The following ACOX3 variants were observed in gnomAD, a reference collection of about 807,000 sequenced individuals.
ACOX3 encodes acyl-CoA oxidase 3, pristanoyl, also known as peroxisomal acyl-coenzyme A oxidase 3.
Under a neutral mutation model 81.5 loss-of-function variants are expected in ACOX3, and 73 were observed. The observed-to-expected ratio is 0.90, with a 90% CI of 0.74 to 1.09. The LOEUF is 1.09. ACOX3 is among the 50% of genes least tolerant of loss of function. The pLI is 0.00. For missense variants in ACOX3, 947 were observed against 928.0 expected, an observed-to-expected ratio of 1.02 and a Z score of -0.27; for synonymous variants, 387 against 375.1, an observed-to-expected ratio of 1.03 and a Z score of -0.37.
chr4:8,370,860 G>T lies in ACOX3; in HGVS notation c.1983+48C>A. ...AGGAGCATCTCAGCTCCGCAGAAAT[G>T]CCCATCAACCCTTGGGGCACTCCCG... On this transcript the variant is annotated intron_variant, in intron 17 of 17. Transcript: ENST00000356406. The surrounding 1 kb of genome is among the most constrained non-coding windows in gnomAD (Gnocchi z 6.3). 6.5e-7 allele frequency: 1 copy of T among 1,548,408 alleles called. No homozygotes were observed. Among genetic ancestry groups the T allele is most frequent in the Non-Finnish European group, 8.9e-7 (1 of 1,123,228 alleles).
At chr4:8,428,832 T>C (rs758222026) in intron 1 of ACOX3, among the ~76,000 whole-genome samples, 4 of 152,168 alleles carry the variant, frequency 2.6e-5, no homozygotes, top group Non-Finnish European at 4.4e-5. Flanking sequence ...CCCAGCGCTT[T>C]CGGAGGCCGA....
Position 8,414,247 on chromosome 4 carries a change from C to T in ACOX3, c.543+45G>A. 1.3e-6 allele frequency: 2 copies of T among 1,531,490 alleles called. No homozygotes were observed. Among genetic ancestry groups the T allele is most frequent in the Non-Finnish European group, 1.8e-6 (2 of 1,105,624 alleles). The allele number at this position is 1,531,490 out of a possible 1,614,324, so 94.9% of individuals were successfully genotyped here. On this transcript the variant is annotated intron_variant, in intron 5 of 17. Coordinates refer to ENST00000356406, the MANE Select transcript of ACOX3 (RefSeq NM_003501.3). This position sits in a 1 kb window ranked among gnomAD's most constrained non-coding sequence, Gnocchi z 6.1. The stretch of plus-strand genomic sequence containing the variant: ...GCAACGGCATTTGCACTCATGACGT[C>T]TCATATGCTCCAAACTCAGGGACCC...
In ACOX3 at chr4:8,399,010, G is replaced by A. The variant is rs1720037524; in HGVS notation, c.873+546C>T. ...CCCATCATGCTCCTTTTCCATCCGTGCTTCCTGATGTCAGATGCTGCATGC... is the reference window on the plus strand; with the variant it reads ...CCCATCATGCTCCTTTTCCATCCGTACTTCCTGATGTCAGATGCTGCATGC... On this transcript the variant is annotated intron_variant, in intron 8 of 17. Transcript: ENST00000356406. This position sits in a 1 kb window ranked among gnomAD's most constrained non-coding sequence, Gnocchi z 4.9. Among the ~76,000 whole-genome samples the A allele has an allele frequency of 6.6e-6, 1 of 152,178 alleles. No individual in the cohort carries two copies. Among genetic ancestry groups the A allele is most frequent in the African/African-American group, 2.4e-5 (1 of 41,438 alleles).
chr4:8,361,300 C>T (rs1560158822), downstream of ACOX3, among the ~76,000 whole-genome samples: 3 of 151,550 alleles, frequency 2.0e-5, no homozygotes, highest in Admixed American at 1.3e-4. Context: ...GTTGTGGGCG[C>T]CTGTAGTCCC....
rs540627202 is a variant in ACOX3, at chr4:8,396,119, T to C, written c.1056+818A>G. Among the ~76,000 whole-genome samples, 4 of 152,332 alleles carry C rather than the reference T, an allele frequency of 2.6e-5. No homozygotes were observed. The East Asian group carries it at 7.7e-4, about 29-fold the overall frequency. On this transcript the variant is annotated intron_variant, in intron 9 of 17. Coordinates refer to ENST00000356406, the MANE Select transcript of ACOX3 (RefSeq NM_003501.3). The stretch of plus-strand genomic sequence containing the variant: ...CTGCTGCCTGGGCTGCATCTGTGCA[T>C]GTCAACAGCTGCCCCATCTCTGGGG...
At chr4:8,361,151 C>T in the ACOX3 span, among the ~76,000 whole-genome samples, 33 of 152,042 alleles carry the variant, frequency 2.2e-4, no homozygotes, top group South Asian at 6.2e-4. Context: ...AGGCCGGGCG[C>T]GGTGGCTCAC....
chr4:8,373,535 A>T, intron 16 of ACOX3, 26 bp downstream of exon 16: 2 of 1,612,644 alleles, frequency 1.2e-6, no homozygotes, highest in Non-Finnish European at 1.7e-6. Flanking sequence ...ATGGATGTAG[A>T]GAACGCGACA....
At chr4:8,413,333 G>A (rs538832646) in intron 5 of ACOX3, among the ~76,000 whole-genome samples, 3 of 111,766 alleles carry the variant, frequency 2.7e-5, no homozygotes, top group Admixed American at 1.1e-4. Flanking sequence ...CCACAGCACC[G>A]ACAGCCCCAG....
intron 1 of ACOX3, among the ~76,000 whole-genome samples, chr4:8,434,059 A>G (rs1724092351): frequency 6.6e-6 from 1 of 152,182 alleles, no homozygotes; most frequent in African/African-American, 2.4e-5. Context: ...AATAATAATA[A>G]TAATAATAAT....
In ACOX3 at chr4:8,414,199, A is replaced by C; in HGVS notation, c.543+93T>G. 3.7e-6 allele frequency: 4 copies of C among 1,081,430 alleles called. No individual in the cohort carries two copies. Among genetic ancestry groups the C allele is most frequent in the East Asian group, 4.7e-5 (2 of 42,200 alleles). The allele number at this position is 1,081,430 out of a possible 1,614,324, so 67.0% of individuals were successfully genotyped here. ...GTATGTGGACAGGCCTCTTGCTTTA[A>C]TGTTTTTTTTTTCTTATTCTGGGCA... On this transcript the variant is annotated intron_variant, in intron 5 of 17. Coordinates refer to ENST00000356406, the MANE Select transcript of ACOX3 (RefSeq NM_003501.3). The surrounding 1 kb of genome is among the most constrained non-coding windows in gnomAD (Gnocchi z 6.1).
In ACOX3 at chr4:8,418,677, C is replaced by A. The variant is rs866715555; in HGVS notation, c.-14-2142G>T. ...GAGTTTGAGACCAGCCTGGCCAACACGGTGAAACCCCATCGCTACTGAAAA... is the reference window on the plus strand; with the variant it reads ...GAGTTTGAGACCAGCCTGGCCAACAAGGTGAAACCCCATCGCTACTGAAAA... On this transcript the variant is annotated intron_variant, in intron 1 of 17. Coordinates refer to ENST00000356406, the MANE Select transcript of ACOX3 (RefSeq NM_003501.3). Among the ~76,000 whole-genome samples, 13 of 151,332 alleles carry A rather than the reference C, an allele frequency of 8.6e-5. 1 individual carries two copies. Among genetic ancestry groups the A allele is most frequent in the Non-Finnish European group, 1.9e-4 (13 of 67,858 alleles).
chr4:8,358,920 C>T, the ACOX3 span, among the ~76,000 whole-genome samples: 1 of 152,126 alleles, frequency 6.6e-6, no homozygotes, highest in African/African-American at 2.4e-5. Context: ...TTTGCTTTCA[C>T]TTCATGAACT....
Position 8,366,598 on chromosome 4 carries a change from C to A in ACOX3, c.*363G>T. 1 of 173,704 alleles carries A rather than the reference C, an allele frequency of 5.8e-6. No individual in the cohort carries two copies. Among genetic ancestry groups the A allele is most frequent in the Non-Finnish European group, 1.2e-5 (1 of 81,228 alleles). 10.8% of individuals were successfully genotyped at this position (173,704 alleles called of 1,614,324 possible). A position where few individuals can be genotyped will look rare whatever the true frequency, so the allele number is the denominator to read the frequency against. On this transcript the variant is annotated 3_prime_UTR_variant, in exon 18 of 18. Coordinates refer to ENST00000356406, the MANE Select transcript of ACOX3 (RefSeq NM_003501.3). ...AGCTCGGTAAAAAATCTAGATGAATCACAGGTTGTCTGACCAGAAGATCCC... is the reference window on the plus strand; with the variant it reads ...AGCTCGGTAAAAAATCTAGATGAATAACAGGTTGTCTGACCAGAAGATCCC...
rs1050085096 is a variant in ACOX3, at chr4:8,423,637, G to A, written c.-14-7102C>T. 6.6e-6 allele frequency among the ~76,000 whole-genome samples: 1 copy of A among 152,118 alleles called. No individual in the cohort carries two copies. Among genetic ancestry groups the A allele is most frequent in the Non-Finnish European group, 1.5e-5 (1 of 68,016 alleles). On this transcript the variant is annotated intron_variant, in intron 1 of 17. Transcript: ENST00000356406. The surrounding 1 kb of genome is among the most constrained non-coding windows in gnomAD (Gnocchi z 4.2). The stretch of plus-strand genomic sequence containing the variant: ...TCTCAGGATTATCAATGAGGCTGTT[G>A]TTCCTCTATACCCAGCTGTACCTAA...
chr4:8,421,424 G>A (rs149061882), intron 1 of ACOX3, among the ~76,000 whole-genome samples: 7 of 152,340 alleles, frequency 4.6e-5, no homozygotes, highest in Admixed American at 1.3e-4. Context: ...GAAAGCTGTC[G>A]TCCCAAATTC....
chr4:8,404,006 G>C (rs1720651660), intron 7 of ACOX3, among the ~76,000 whole-genome samples: 1 of 152,230 alleles, frequency 6.6e-6, no homozygotes, highest in African/African-American at 2.4e-5. Context: ...AGCCCTGAAA[G>C]GGATCAGCCG....
In ACOX3 at chr4:8,386,357, G is replaced by A. The variant is rs1718293092; in HGVS notation, c.1537+2816C>T. 6.6e-6 allele frequency among the ~76,000 whole-genome samples: 1 copy of A among 152,042 alleles called. No homozygotes were observed. Among genetic ancestry groups the A allele is most frequent in the African/African-American group, 2.4e-5 (1 of 41,404 alleles). ...CAAGGTGGGCGGATCACGAGGTCAGGATATCGAGACCATCCTGCCTAACAC... is the reference window on the plus strand; with the variant it reads ...CAAGGTGGGCGGATCACGAGGTCAGAATATCGAGACCATCCTGCCTAACAC... On this transcript the variant is annotated intron_variant, in intron 13 of 17. Coordinates refer to ENST00000356406, the MANE Select transcript of ACOX3 (RefSeq NM_003501.3). This position sits in a 1 kb window ranked among gnomAD's most constrained non-coding sequence, Gnocchi z 5.2.
At chr4:8,410,702 C>T (rs1287385702) in intron 5 of ACOX3, among the ~76,000 whole-genome samples, 2 of 152,128 alleles carry the variant, frequency 1.3e-5, no homozygotes, top group Non-Finnish European at 2.9e-5. Context: ...GCACTGTGGG[C>T]GGGGCTGTCT....
At chr4:8,362,670 T>A (rs186445927), downstream of ACOX3, among the ~76,000 whole-genome samples, 4 of 152,352 alleles carry the variant, frequency 2.6e-5, no homozygotes, top group Admixed American at 2.6e-4. Flanking sequence ...AGTCCCTGTA[T>A]GGGGTTCCTG....
Sources: gnomAD v4.1 joint callset for allele counts (sites outside exome capture counted in the v4.1 genomes callset) on GRCh38, gnomAD v4.1.1 for gene constraint, Gnocchi (gnomAD v3.1) non-coding constraint, MANE v1.5 for transcripts, NCBI Gene and HGNC (gene_info 2026-07-23, HGNC 2026-07-21) for gene names.